The following SLC25A12 variants were observed in gnomAD, a reference collection of about 807,000 sequenced individuals.
SLC25A12 encodes electrogenic aspartate/glutamate antiporter SLC25A12, mitochondrial.
SLC25A12 carries 32 observed loss-of-function variants against 83.3 expected under a neutral mutation model. The observed-to-expected ratio is 0.38, with a 90% CI of 0.29 to 0.52. The LOEUF (loss-of-function observed/expected upper bound fraction) is 0.52, where lower values mean the gene tolerates loss of function less well. SLC25A12 is among the 20% of genes least tolerant of loss of function. SLC25A12 has a pLI of 0.84. For synonymous variants in SLC25A12, 267 were observed against 291.1 expected (o/e 0.92, Z 0.84); for missense variants, 611 against 835.6 (o/e 0.73, Z 3.31).
intron 3 of SLC25A12, among the ~76,000 whole-genome samples, chr2:171,865,688 T>C (rs1397303040): frequency 1.3e-5 from 2 of 151,374 alleles, no homozygotes; most frequent in African/African-American, 4.8e-5. Context: ...TATACATATA[T>C]ATAAAATATT....
intron 14 of SLC25A12, among the ~76,000 whole-genome samples, chr2:171,792,464 CT>C (rs1208819351): frequency 1.1e-3 from 162 of 144,680 alleles, no homozygotes; most frequent in Admixed American, 1.1e-3. Flanking sequence ...TTTTTTCTTT[CT>C]TTTTTTTTTT....
At chr2:171,883,619 G>A (rs1685743964) in intron 2 of SLC25A12, among the ~76,000 whole-genome samples, 2 of 152,116 alleles carry the variant, frequency 1.3e-5, no homozygotes, top group Admixed American at 6.5e-5. Context: ...TGGCCTTTCT[G>A]TTTGTTGAAC....
intron 10 of SLC25A12, among the ~76,000 whole-genome samples, 174 bp from the exon 11 acceptor site, chr2:171,813,671 G>C (rs1683991889): frequency 1.3e-5 from 2 of 152,154 alleles, no homozygotes; most frequent in South Asian, 4.1e-4. Context: ...GCAGGCTATA[G>C]CAAGCACTGA....
chr2:171,856,260 C>A (rs1685043158), intron 3 of SLC25A12, among the ~76,000 whole-genome samples: 1 of 152,146 alleles, frequency 6.6e-6, no homozygotes, highest in African/African-American at 2.4e-5. Flanking sequence ...AACCTCAGTA[C>A]TGGTGACATT....
At chr2:171,817,153 C>A (rs1462267085) in intron 9 of SLC25A12, among the ~76,000 whole-genome samples, 1 of 152,118 alleles carries the variant, frequency 6.6e-6, no homozygotes, top group African/African-American at 2.4e-5. Context: ...TTTCTAGCCT[C>A]TAGAACTATG....
chr2:171,893,727 C>T (rs1685992005), intron 1 of SLC25A12, among the ~76,000 whole-genome samples: 1 of 152,170 alleles, frequency 6.6e-6, no homozygotes. Flanking sequence ...ATGAGAGCTG[C>T]CACAAATACA....
intron 15 of SLC25A12, among the ~76,000 whole-genome samples, chr2:171,789,404 AT>A (rs937772900): frequency 1.5e-4 from 23 of 151,866 alleles, no homozygotes; most frequent in African/African-American, 3.9e-4. Context: ...AATTTTTTGT[AT>A]TTTTAGTAGA....
chr2:171,793,687 C>T lies in SLC25A12; in HGVS notation c.1386G>A (p.Thr462=), dbSNP rs777556606. ...CATTCAGGGCGCTGACTCTGGGTCCCGTGGTGATCTCTCCAGCTACTTGCA... is the reference window on the plus strand; with the variant it reads ...CATTCAGGGCGCTGACTCTGGGTCCTGTGGTGATCTCTCCAGCTACTTGCA... ...IRLQVAGEIT[T]GPRVSALNVL... Residue 462 remains threonine (T), a synonymous_variant, in exon 14 of 18, where the codon ACG becomes ACA. Transcript: ENST00000422440. 30 of 1,614,034 alleles carry T rather than the reference C, an allele frequency of 1.9e-5. No homozygotes were observed. Among genetic ancestry groups the T allele is most frequent in the South Asian group, 3.3e-5 (3 of 91,086 alleles).
intron 9 of SLC25A12, among the ~76,000 whole-genome samples, chr2:171,823,605 T>C (rs541630077): frequency 1.3e-5 from 2 of 152,340 alleles, no homozygotes; most frequent in East Asian, 3.9e-4. Context: ...ACCTTAATTT[T>C]TATTTCTCTG....
chr2:171,846,181 G>A (rs1013208115), intron 4 of SLC25A12, among the ~76,000 whole-genome samples: 2 of 151,684 alleles, frequency 1.3e-5, no homozygotes, highest in African/African-American at 4.8e-5. Flanking sequence ...TACTTTTAAG[G>A]TCTAACAAAA....
intron 13 of SLC25A12, among the ~76,000 whole-genome samples, chr2:171,801,538 T>C (rs570293070): frequency 7.9e-5 from 12 of 152,214 alleles, no homozygotes; most frequent in Non-Finnish European, 1.6e-4. Context: ...TAAACACATA[T>C]ATACAGGTGG....
At chr2:171,859,095 A>G in intron 3 of SLC25A12, among the ~76,000 whole-genome samples, 1 of 152,154 alleles carries the variant, frequency 6.6e-6, no homozygotes, top group Middle Eastern at 3.2e-3. Flanking sequence ...TTCTTCCATT[A>G]CTGTATATCT....
At chr2:171,871,479 G>A (rs1013098125) in intron 2 of SLC25A12, among the ~76,000 whole-genome samples, 4 of 152,080 alleles carry the variant, frequency 2.6e-5, no homozygotes, top group Admixed American at 2.0e-4. Flanking sequence ...AGGAATGGGA[G>A]AATCACTTGA....
intron 4 of SLC25A12, among the ~76,000 whole-genome samples, chr2:171,849,921 C>A (rs944686178): frequency 6.6e-6 from 1 of 152,008 alleles, no homozygotes; most frequent in Non-Finnish European, 1.5e-5. Context: ...CCCACCTCAG[C>A]CTCCCAAGTA....
chr2:171,813,519 G>C, intron 10 of SLC25A12, 22 bp from the exon 11 acceptor site: 1 of 1,613,218 alleles, frequency 6.2e-7, no homozygotes, highest in Non-Finnish European at 8.5e-7. Context: ...ACAATTTTTA[G>C]GCTTAAAAAA....
intron 13 of SLC25A12, among the ~76,000 whole-genome samples, chr2:171,805,003 T>C (rs181087185): frequency 2.2e-4 from 34 of 152,368 alleles, no homozygotes; most frequent in Non-Finnish European, 4.3e-4. Flanking sequence ...GGTGATGGTT[T>C]CACAACAAAA....
intron 2 of SLC25A12, among the ~76,000 whole-genome samples, chr2:171,887,061 G>A (rs997048299): frequency 2.6e-5 from 4 of 152,090 alleles, no homozygotes; most frequent in African/African-American, 9.7e-5. Flanking sequence ...CAAAGAGTAA[G>A]GGTCTCCTGC....
At chr2:171,865,856 T>C (rs941640291) in intron 3 of SLC25A12, among the ~76,000 whole-genome samples, 7 of 151,922 alleles carry the variant, frequency 4.6e-5, no homozygotes, top group African/African-American at 1.5e-4. Flanking sequence ...AAAAAAATTT[T>C]TTTTAATTGA....
At chr2:171,861,138 AT>A (rs1685150577) in intron 3 of SLC25A12, among the ~76,000 whole-genome samples, 1 of 151,154 alleles carries the variant, frequency 6.6e-6, no homozygotes, top group Non-Finnish European at 1.5e-5. Flanking sequence ...AATAATAATA[AT>A]AATATAATCT....
Sources: gnomAD v4.1 joint callset for allele counts (sites outside exome capture counted in the v4.1 genomes callset) on GRCh38, gnomAD v4.1.1 for gene constraint, MANE v1.5 for transcripts, NCBI Gene and HGNC (gene_info 2026-07-23, HGNC 2026-07-21) for gene names.